DCAF6: variants seen among roughly 807,000 people sequenced by gnomAD.
DCAF6 encodes DDB1 and CUL4 associated factor 6.
DCAF6 carries 54 observed loss-of-function variants against 125.1 expected under a neutral mutation model. That is an observed-to-expected ratio of 0.43 (90% CI 0.35 to 0.54). The LOEUF (loss-of-function observed/expected upper bound fraction) is 0.54. Among genes scored for constraint, DCAF6 ranks in the 20% least tolerant of loss-of-function variants. DCAF6 has a pLI of 0.01. For synonymous variants in DCAF6, 371 were observed against 390.4 expected, an observed-to-expected ratio of 0.95 and a Z score of 0.58; for missense variants, 934 against 1,161.7, an observed-to-expected ratio of 0.80 and a Z score of 2.85.
At chr1:168,004,394 A>G in intron 9 of DCAF6, 139 bp from the exon 10 acceptor site, 1 of 969,946 alleles carries the variant, frequency 1.0e-6, no homozygotes, top group Non-Finnish European at 1.5e-6. Context: ...CAAATGGGCC[A>G]AATCACCAGT....
intron 18 of DCAF6, among the ~76,000 whole-genome samples, chr1:168,065,079 A>G (rs1692153939): frequency 6.6e-6 from 1 of 152,224 alleles, no homozygotes; most frequent in African/African-American, 2.4e-5. Flanking sequence ...AAAGTTCAGC[A>G]ACATATATGT....
In DCAF6 at chr1:167,993,430, G is replaced by A; in HGVS notation, c.893G>A (p.Arg298Lys). ...RELKTPSAEE[R>K]REELRQPPVK... ...CTTAAAACTCCTTCTGCGGAAGAGA[G>A]AAGAGAAGAGGTAGGTTTACTCAAA... Residue 298 changes from arginine to lysine, a missense_variant, in exon 7 of 22, where the codon AGA becomes AAA. Around this residue, in one of 5 missense-constraint regions of DCAF6, gnomAD observed 309 missense variants for 381.2 expected, o/e 0.81. Coordinates refer to ENST00000367840, the MANE Select transcript of DCAF6 (RefSeq NM_001198956.2). 6.2e-7 allele frequency: 1 copy of A among 1,613,740 alleles called. No homozygotes were observed. Among genetic ancestry groups the A allele is most frequent in the South Asian group, 1.1e-5 (1 of 91,072 alleles).
At chr1:167,925,949 G>A in the DCAF6 span, among the ~76,000 whole-genome samples, 1 of 152,166 alleles carries the variant, frequency 6.6e-6, no homozygotes, top group East Asian at 1.9e-4. Flanking sequence ...TTTAAAATAT[G>A]TTTGCTGATT....
chr1:168,017,386 G>C (rs1027884032), intron 11 of DCAF6, among the ~76,000 whole-genome samples: 11 of 152,074 alleles, frequency 7.2e-5, no homozygotes, highest in Admixed American at 6.5e-4. Context: ...GTATTAAAAT[G>C]ATCTTGAGTA....
At chr1:167,896,650 T>A in the DCAF6 span, 4 of 1,613,476 alleles carry the variant, frequency 2.5e-6, no homozygotes, top group South Asian at 4.4e-5. Context: ...TTGTGAAAAA[T>A]TCATCAAAAT....
chr1:167,973,805 C>G (rs1490095911), intron 3 of DCAF6, among the ~76,000 whole-genome samples: 1 of 152,106 alleles, frequency 6.6e-6, no homozygotes, highest in African/African-American at 2.4e-5. Flanking sequence ...TTTATTCAAC[C>G]AGTCTCCTGT....
intron 11 of DCAF6, among the ~76,000 whole-genome samples, chr1:168,018,010 A>G (rs766757110): frequency 3.3e-5 from 5 of 152,220 alleles, no homozygotes; most frequent in Non-Finnish European, 7.4e-5. Flanking sequence ...TTTAAAAAGT[A>G]TAGAAAGAAT....
chr1:167,950,171 G>GGCA (rs915434362), intron 1 of DCAF6, among the ~76,000 whole-genome samples: 1 of 111,482 alleles, frequency 9.0e-6, no homozygotes, highest in Admixed American at 9.7e-5. Context: ...TTAAAATTTT[G>GGCA]ACAAAGTTTC....
At chr1:167,894,076 A>T in the DCAF6 span, 1 of 699,078 alleles carries the variant, frequency 1.4e-6, no homozygotes, top group Non-Finnish European at 2.6e-6. Flanking sequence ...AGACTCTGGG[A>T]CACCTAGGGG....
chr1:167,936,012 G>GCCCGCGC (rs1244153133), upstream of DCAF6: 2 of 618,156 alleles, frequency 3.2e-6, no homozygotes, highest in African/African-American at 1.8e-5. Context: ...AAAAGCTGCG[G>GCCCGCGC]CCCGCGCCCC....
chr1:168,064,667 A>C (rs768784509), intron 18 of DCAF6, among the ~76,000 whole-genome samples: 38 of 152,210 alleles, frequency 2.5e-4, no homozygotes, highest in Non-Finnish European at 4.4e-4. Context: ...GTTAGCATGA[A>C]AATAATTAGA....
chr1:167,898,223 A>G, the DCAF6 span, among the ~76,000 whole-genome samples: 23 of 151,630 alleles, frequency 1.5e-4, no homozygotes, highest in Non-Finnish European at 2.9e-4. Flanking sequence ...TGAGGGATAT[A>G]TGGAAACTCT....
At chr1:167,937,161 T>A in intron 1 of DCAF6, 153 bp downstream of exon 1, 1 of 647,180 alleles carries the variant, frequency 1.5e-6, no homozygotes. Flanking sequence ...CCGAATTCCG[T>A]GCCGGTGCCT....
At chr1:167,950,154 G>A (rs902175384) in intron 1 of DCAF6, among the ~76,000 whole-genome samples, 3 of 138,454 alleles carry the variant, frequency 2.2e-5, no homozygotes, top group Admixed American at 1.5e-4. Context: ...TGTTTCAAAC[G>A]CAGGTTTTAA....
the DCAF6 span, among the ~76,000 whole-genome samples, chr1:167,866,048 T>G: frequency 0.097 from 14,744 of 152,200 alleles, 1,833 homozygotes; most frequent in African/African-American, 0.27. Flanking sequence ...AGACCTGAAG[T>G]GATGCAATGA....
the DCAF6 span, chr1:167,918,440 C>T: frequency 1.5e-4 from 137 of 886,902 alleles, no homozygotes; most frequent in Middle Eastern, 2.0e-3. Context: ...AAGCATACTC[C>T]ATTTCTTCTT....
chr1:167,914,899 G>A, the DCAF6 span, among the ~76,000 whole-genome samples: 1 of 151,392 alleles, frequency 6.6e-6, no homozygotes, highest in Non-Finnish European at 1.5e-5. Context: ...AGTTGTCTTA[G>A]GGAGGAAAAC....
chr1:168,025,834 C>T (rs1416003852), intron 12 of DCAF6, among the ~76,000 whole-genome samples: 2 of 152,152 alleles, frequency 1.3e-5, no homozygotes, highest in Non-Finnish European at 2.9e-5. Flanking sequence ...AATTACTTCC[C>T]ATAGCCTTTC....
intron 17 of DCAF6, among the ~76,000 whole-genome samples, chr1:168,052,276 C>T (rs549963861): frequency 1.3e-5 from 2 of 152,258 alleles, no homozygotes; most frequent in East Asian, 1.9e-4. Context: ...ATCACAAGTA[C>T]GCAAAGCTGG....
Sources: gnomAD v4.1 joint callset for allele counts (sites outside exome capture counted in the v4.1 genomes callset) on GRCh38, gnomAD v4.1.1 for gene constraint, gnomAD v4.1.1 regional missense constraint, MANE v1.5 for transcripts, NCBI Gene and HGNC (gene_info 2026-07-23, HGNC 2026-07-21) for gene names.